SV2C: variants seen among roughly 807,000 people sequenced by gnomAD.
SV2C encodes the protein synaptic vesicle glycoprotein 2C, also known as solute carrier family 22 member B3.
SV2C carries 49 observed loss-of-function variants against 79.7 expected under a neutral mutation model. The ratio of observed to expected loss-of-function variants is 0.61; its 90% CI spans 0.49 to 0.78. The LOEUF is 0.78. SV2C is among the 30% of genes least tolerant of loss of function. SV2C has a pLI of 0.00. For synonymous variants in SV2C, 334 were observed against 333.2 expected, an observed-to-expected ratio of 1.00 and a Z score of -0.03; for missense variants, 833 against 912.9, an observed-to-expected ratio of 0.91 and a Z score of 1.13.
At chr5:75,857,249 G>T in the SV2C span, among the ~76,000 whole-genome samples, 8 of 152,084 alleles carry the variant, frequency 5.3e-5, no homozygotes, top group African/African-American at 1.9e-4. Context: ...GAGCCACCGC[G>T]CCCGGCCGTC....
chr5:75,940,299 G>A, the SV2C span, among the ~76,000 whole-genome samples: 3 of 152,092 alleles, frequency 2.0e-5, no homozygotes, highest in African/African-American at 7.2e-5. Flanking sequence ...GGGAGGCAGA[G>A]GTTGCAGTAA....
chr5:76,325,642 G>C lies in SV2C; in HGVS notation c.*95G>C, dbSNP rs1217078831. On this transcript the variant is annotated 3_prime_UTR_variant, in exon 13 of 13. Coordinates refer to ENST00000502798, the MANE Select transcript of SV2C (RefSeq NM_014979.4). Reference sequence around the variant, plus strand: ...GCTTCAGAGTTTTCCTATATAGAAAGGTGATCAAGTATCAGAACATAAACA... The same window carrying C: ...GCTTCAGAGTTTTCCTATATAGAAACGTGATCAAGTATCAGAACATAAACA... 1 of 1,513,760 alleles carries C rather than the reference G, an allele frequency of 6.6e-7. No individual in the cohort carries two copies. Among genetic ancestry groups the C allele is most frequent in the Non-Finnish European group, 8.9e-7 (1 of 1,129,142 alleles). The allele number at this position is 1,513,760 out of a possible 1,614,324, so 93.8% of individuals were successfully genotyped here. A position where few individuals can be genotyped will look rare whatever the true frequency, so the allele number is the denominator to read the frequency against.
intron 12 of SV2C, among the ~76,000 whole-genome samples, chr5:76,302,330 TA>T (rs1211466243): frequency 6.6e-6 from 1 of 152,118 alleles, no homozygotes; most frequent in Admixed American, 6.5e-5. Context: ...TTTCTAGTTA[TA>T]AAAAACAATT....
At chr5:75,937,561 T>C in the SV2C span, among the ~76,000 whole-genome samples, 1 of 151,948 alleles carries the variant, frequency 6.6e-6, no homozygotes, top group African/African-American at 2.4e-5. Flanking sequence ...ATAAATAACT[T>C]AGCCCAGCAT....
At chr5:76,201,437 A>G (rs1054863389) in intron 3 of SV2C, among the ~76,000 whole-genome samples, 2 of 152,222 alleles carry the variant, frequency 1.3e-5, no homozygotes, top group Non-Finnish European at 2.9e-5. Flanking sequence ...AGAAAAATAT[A>G]ATAGCAACAG....
chr5:76,301,645 A>G, intron 12 of SV2C, 100 bp downstream of exon 12: 1 of 1,405,554 alleles, frequency 7.1e-7, no homozygotes, highest in Non-Finnish European at 9.6e-7. Flanking sequence ...ACGGTAGCTT[A>G]TGCCTGTAAT....
At chr5:75,933,181 C>T in the SV2C span, among the ~76,000 whole-genome samples, 4 of 152,190 alleles carry the variant, frequency 2.6e-5, no homozygotes, top group African/African-American at 9.7e-5. Flanking sequence ...CTTTCCTAAC[C>T]CTACCCCCGC....
chr5:76,297,236 A>T (rs926581389), intron 9 of SV2C, among the ~76,000 whole-genome samples: 22 of 152,174 alleles, frequency 1.4e-4, no homozygotes, highest in South Asian at 6.2e-4. Context: ...GAAATTTTTT[A>T]AAAAATAGCT....
chr5:76,120,851 G>C (rs10474462), intron 1 of SV2C, among the ~76,000 whole-genome samples: 3 of 147,970 alleles, frequency 2.0e-5, no homozygotes, highest in East Asian at 2.0e-4. Flanking sequence ...TCTTTATAGC[G>C]GCATGATTTA....
the SV2C span, among the ~76,000 whole-genome samples, chr5:75,863,857 T>C: frequency 6.6e-6 from 1 of 152,236 alleles, no homozygotes; most frequent in South Asian, 2.1e-4. Context: ...TGTTGATTTA[T>C]TCTGCTGAAT....
intron 1 of SV2C, among the ~76,000 whole-genome samples, chr5:76,126,784 C>T (rs1302378619): frequency 6.6e-6 from 1 of 152,176 alleles, no homozygotes; most frequent in African/African-American, 2.4e-5. Flanking sequence ...GTTTCCATCA[C>T]AGGCTCCCAT....
At chr5:75,958,775 T>C in the SV2C span, among the ~76,000 whole-genome samples, 3 of 151,926 alleles carry the variant, frequency 2.0e-5, no homozygotes, top group Non-Finnish European at 4.4e-5. Context: ...CTCCCTCTCT[T>C]GTAGTGGGAA....
At chr5:76,339,479 C>T (rs1224599561) in intron 12 of SV2C, among the ~76,000 whole-genome samples, 3 of 152,066 alleles carry the variant, frequency 2.0e-5, no homozygotes, top group Admixed American at 1.3e-4. Flanking sequence ...CTTTGGGAGG[C>T]CAAGGCGGGC....
the SV2C span, among the ~76,000 whole-genome samples, chr5:75,967,000 T>A: frequency 6.6e-6 from 1 of 151,792 alleles, no homozygotes; most frequent in African/African-American, 2.4e-5. Context: ...ATTGCATTAA[T>A]AAGGTATATA....
chr5:76,107,595 G>A (rs1348351939), intron 1 of SV2C, among the ~76,000 whole-genome samples: 1 of 152,198 alleles, frequency 6.6e-6, no homozygotes, highest in East Asian at 1.9e-4. Context: ...TGGACATGGT[G>A]GCTCACGCCT....
the SV2C span, among the ~76,000 whole-genome samples, chr5:76,014,658 G>A: frequency 2.0e-5 from 3 of 151,966 alleles, no homozygotes; most frequent in Non-Finnish European, 4.4e-5. Context: ...ACACACATGT[G>A]CGCACACACA....
chr5:76,173,842 A>G (rs1743417512), intron 2 of SV2C: 1 of 1,597,974 alleles, frequency 6.3e-7, no homozygotes, highest in African/African-American at 1.3e-5. Context: ...ACTTATTACC[A>G]ACAAGAATCA....
chr5:76,182,717 C>G (rs938098311), intron 2 of SV2C, among the ~76,000 whole-genome samples: 5 of 152,158 alleles, frequency 3.3e-5, no homozygotes, highest in African/African-American at 4.8e-5. Context: ...CTTTCTCCCT[C>G]CCTGTGTTTG....
the SV2C span, among the ~76,000 whole-genome samples, chr5:76,039,955 T>C: frequency 1.1e-4 from 16 of 152,078 alleles, no homozygotes; most frequent in Admixed American, 4.6e-4. Flanking sequence ...TCTAACTCAT[T>C]ACCACCAAAA....
Sources: gnomAD v4.1 joint callset for allele counts (sites outside exome capture counted in the v4.1 genomes callset) on GRCh38, gnomAD v4.1.1 for gene constraint, MANE v1.5 for transcripts, NCBI Gene and HGNC (gene_info 2026-07-23, HGNC 2026-07-21) for gene names.